SSPN: variants seen among roughly 807,000 people sequenced by gnomAD.
SSPN encodes the protein sarcospan, also known as K-ras oncogene-associated protein.
SSPN carries 15 observed loss-of-function variants against 19.1 expected under a neutral mutation model. The ratio of observed to expected loss-of-function variants is 0.78; its 90% confidence interval spans 0.52 to 1.21. The LOEUF is 1.21. SSPN is among the 50% of genes most tolerant of loss of function. SSPN has a pLI of 0.00. For synonymous variants in SSPN, 147 were observed against 140.3 expected (o/e 1.05, Z -0.34); for missense variants, 291 against 314.0 (o/e 0.93, Z 0.55).
At chr12:26,122,770 G>T in intron 1 of SSPN, 2 of 1,590,980 alleles carry the variant, frequency 1.3e-6, no homozygotes. Flanking sequence ...CGGTCCGGCC[G>T]GGCCTCGGCT....
intron 1 of SSPN, chr12:26,126,334 C>G (rs1178581008): frequency 6.6e-6 from 1 of 152,184 alleles, no homozygotes; most frequent in Non-Finnish European, 1.5e-5. Context: ...ATATATTTCT[C>G]TAGATATACA....
intron 1 of SSPN, among the ~76,000 whole-genome samples, chr12:26,127,033 C>A (rs1314166839): frequency 6.6e-6 from 1 of 152,102 alleles, no homozygotes; most frequent in South Asian, 2.1e-4. Context: ...ATTTTTACCT[C>A]TTTTTAATTG....
At chr12:26,186,501 A>G (rs1944755274) in intron 1 of SSPN, among the ~76,000 whole-genome samples, 1 of 152,246 alleles carries the variant, frequency 6.6e-6, no homozygotes, top group Non-Finnish European at 1.5e-5. Flanking sequence ...CTCCTGCCCT[A>G]GAATGGCTTC....
At chr12:26,185,496 C>T (rs1944747770) in intron 1 of SSPN, among the ~76,000 whole-genome samples, 1 of 152,142 alleles carries the variant, frequency 6.6e-6, no homozygotes, top group Non-Finnish European at 1.5e-5. Context: ...CACACAGCAC[C>T]TTGTACTGGT....
In SSPN at chr12:26,166,397, T is replaced by G. The variant is rs60490466; in HGVS notation, c.-31+44245T>G. Among the ~76,000 whole-genome samples, 1,443 of 152,340 alleles carry G rather than the reference T, an allele frequency of 9.5e-3. 24 individuals are homozygous for G. The highest frequency in any genetic ancestry group is 0.033 in the African/African-American group (1,388 of 41,580). On this transcript the variant is annotated intron_variant, in intron 1 of 2. Transcript: ENST00000538142. ...ATATAAATGCCTGAACTCGGAAATG[T>G]AGCAACCAAGAGATATGGTTGAAAG...
chr12:26,211,379 C>T (rs1944984272), intron 1 of SSPN: 1 of 152,152 alleles, frequency 6.6e-6, no homozygotes, highest in African/African-American at 2.4e-5. Context: ...TCAGATTTCT[C>T]TTCTTGGTTT....
chr12:26,223,250 A>G (rs4963657), intron 1 of SSPN, among the ~76,000 whole-genome samples: 151,439 of 152,334 alleles, frequency 0.99, 75,277 homozygotes, highest in Middle Eastern at 1. Flanking sequence ...CGCTCTTGTT[A>G]CCCAGACTGG....
chr12:26,137,085 C>T (rs1398154438), intron 1 of SSPN, among the ~76,000 whole-genome samples: 3 of 152,214 alleles, frequency 2.0e-5, no homozygotes, highest in Admixed American at 2.0e-4. Context: ...GTGCCATGCT[C>T]TCTTTTACTG....
chr12:26,133,454 G>T (rs1944407578), intron 1 of SSPN, among the ~76,000 whole-genome samples: 1 of 152,110 alleles, frequency 6.6e-6, no homozygotes. Flanking sequence ...CTTCTTCCCT[G>T]CTTTTAACAG....
chr12:26,196,282 C>T (rs1314363270), intron 1 of SSPN, among the ~76,000 whole-genome samples: 1 of 152,234 alleles, frequency 6.6e-6, no homozygotes, highest in Non-Finnish European at 1.5e-5. Context: ...TTCATTCGGG[C>T]TTTTTCCTTA....
intron 1 of SSPN, among the ~76,000 whole-genome samples, chr12:26,204,203 G>A (rs560610073): frequency 2.0e-5 from 3 of 152,212 alleles, no homozygotes; most frequent in African/African-American, 7.2e-5. Flanking sequence ...GTGTTTCCGA[G>A]GGGTATTCTG....
chr12:26,199,926 G>A (rs1030607519), intron 1 of SSPN, among the ~76,000 whole-genome samples: 5 of 152,268 alleles, frequency 3.3e-5, no homozygotes, highest in Admixed American at 6.5e-5. Context: ...AAAATTTAAC[G>A]TACACAAATA....
In SSPN at chr12:26,230,829, G is replaced by C. The variant is rs778473229; in HGVS notation, c.485G>C (p.Cys162Ser). The C allele has an allele frequency of 6.2e-6, 10 of 1,614,062 alleles. No individual in the cohort carries two copies. Among genetic ancestry groups the C allele is most frequent in the Non-Finnish European group, 3.4e-6 (4 of 1,180,050 alleles). ...ACCTGTGAGACCACACTCGACTCTT[G>C]CCAGTGCAAACTGCCCTCCTCGGAG... is the stretch of plus-strand genomic sequence containing the variant. Reference protein sequence around the residue: ...QFTCETTLDSCQCKLPSSEPL... With the variant: ...QFTCETTLDSSQCKLPSSEPL... Residue 162 changes from cysteine (C) to serine (S), a missense_variant, in exon 3 of 3, where the codon TGC becomes TCC. Transcript: ENST00000242729.
intron 1 of SSPN, chr12:26,123,606 G>T: frequency 6.5e-7 from 1 of 1,536,934 alleles, no homozygotes; most frequent in Non-Finnish European, 9.0e-7. Flanking sequence ...ATCAGGGTAG[G>T]CTGGCCTCCC....
chr12:26,192,511 T>C (rs1314784026), upstream of SSPN, among the ~76,000 whole-genome samples: 1 of 152,246 alleles, frequency 6.6e-6, no homozygotes, highest in Non-Finnish European at 1.5e-5. Flanking sequence ...TTAGCCTTGA[T>C]TACTCTCTAT....
At chr12:26,122,741 C>A (rs772122589) in intron 1 of SSPN, 4 of 1,595,510 alleles carry the variant, frequency 2.5e-6, no homozygotes, top group Non-Finnish European at 3.4e-6. Flanking sequence ...GGCTCGCCCC[C>A]GCGCCTTTGC....
rs527309506 is a variant in SSPN, at chr12:26,195,833, T to C, written c.161T>C (p.Leu54Pro). ...ACCTGCTGCGGCTGCCGGTTCCCGC[T>C]GCTGCTCGCCCTGCTGCAGCTGGCC... ...PRTCCGCRFP[L>P]LLALLQLALG... The change falls in exon 1 of 3, where the codon CTG becomes CCG. Residue 54 changes from leucine (L) to proline (P), a missense_variant. Coordinates refer to ENST00000242729, the MANE Select transcript of SSPN (RefSeq NM_005086.5). 1 of 1,540,118 alleles carries C rather than the reference T, an allele frequency of 6.5e-7. No homozygotes were observed. The highest frequency in any genetic ancestry group is 1.4e-5 in the African/African-American group (1 of 71,650).
intron 1 of SSPN, among the ~76,000 whole-genome samples, chr12:26,136,530 A>G (rs957289692): frequency 1.3e-5 from 2 of 152,168 alleles, no homozygotes. Context: ...CCCCCATCCT[A>G]GTAGGTGAGC....
chr12:26,223,679 A>G (rs547328286), intron 1 of SSPN, among the ~76,000 whole-genome samples: 6 of 152,294 alleles, frequency 3.9e-5, no homozygotes, highest in South Asian at 2.1e-4. Context: ...TACTTACAAT[A>G]TGAGAATCAT....
Sources: gnomAD v4.1 joint callset for allele counts (sites outside exome capture counted in the v4.1 genomes callset) on GRCh38, gnomAD v4.1.1 for gene constraint, MANE v1.5 for transcripts, NCBI Gene and HGNC (gene_info 2026-07-23, HGNC 2026-07-21) for gene names.